SLC9A8: variants seen among roughly 807,000 people sequenced by gnomAD.
SLC9A8 encodes the protein sodium/hydrogen exchanger 8.
Under a neutral mutation model 66.6 loss-of-function variants are expected in SLC9A8, and 48 were observed. That is an observed-to-expected ratio of 0.72 (90% CI 0.57 to 0.92). The LOEUF (loss-of-function observed/expected upper bound fraction) is 0.92. Ranked by LOEUF, SLC9A8 falls within the 40% of genes least tolerant of loss-of-function variation. The probability of loss-of-function intolerance (pLI) is 0.00; values close to 1 mark genes in which losing one functional copy is unlikely to be tolerated. For synonymous variants in SLC9A8, 274 were observed against 282.6 expected (o/e 0.97, Z 0.31); for missense variants, 599 against 747.3 (o/e 0.80, Z 2.31).
intron 6 of SLC9A8, 177 bp from the exon 7 acceptor site, chr20:49,850,633 C>T (rs958677527): frequency 9.5e-6 from 6 of 630,226 alleles, no homozygotes; most frequent in African/African-American, 3.7e-5. Context: ...CGTTGCATGC[C>T]GATGGAATGC....
chr20:49,853,813 C>T (rs2088351258), intron 7 of SLC9A8, among the ~76,000 whole-genome samples: 1 of 152,222 alleles, frequency 6.6e-6, no homozygotes, highest in African/African-American at 2.4e-5. Flanking sequence ...ACTGAATCCT[C>T]AGCCTGGGAT....
chr20:49,832,248 G>T (rs572290014), intron 3 of SLC9A8, among the ~76,000 whole-genome samples: 1 of 152,262 alleles, frequency 6.6e-6, no homozygotes, highest in East Asian at 1.9e-4. Flanking sequence ...CATTTCTTAG[G>T]CTCAGCTCTT....
intron 3 of SLC9A8, among the ~76,000 whole-genome samples, chr20:49,835,725 AC>A (rs2087507779): frequency 8.3e-6 from 1 of 119,770 alleles, no homozygotes; most frequent in African/African-American, 3.4e-5. Flanking sequence ...TTGCTCTATC[AC>A]CCAGGCTGGA....
chr20:49,830,299 C>G, intron 3 of SLC9A8: 1 of 1,146,562 alleles, frequency 8.7e-7, no homozygotes, highest in Non-Finnish European at 1.3e-6. Context: ...ATGGGTCACA[C>G]AGTGACTGTC....
At chr20:49,813,310 A>G (rs983024272) in intron 1 of SLC9A8, among the ~76,000 whole-genome samples, 3 of 152,170 alleles carry the variant, frequency 2.0e-5, no homozygotes, top group Non-Finnish European at 4.4e-5. Flanking sequence ...CCCACCTCCT[A>G]CGTAGCCAGT....
chr20:49,858,472 G>A (rs1194113111), intron 8 of SLC9A8, among the ~76,000 whole-genome samples: 1 of 150,518 alleles, frequency 6.6e-6, no homozygotes, highest in Non-Finnish European at 1.5e-5. Context: ...TTATGCATTG[G>A]GAGCTAAACT....
Position 49,812,966 on chromosome 20 carries a change from CGGGCGGCGGAGGCGGCGGGGCT to C in SLC9A8, c.26+23_26+44del. 2 of 1,395,604 alleles carry C rather than the reference CGGGCGGCGGAGGCGGCGGGGCT, an allele frequency of 1.4e-6. No homozygotes were observed. Among genetic ancestry groups the C allele is most frequent in the Non-Finnish European group, 1.9e-6 (2 of 1,073,430 alleles). 86.5% of individuals were successfully genotyped at this position (1,395,604 alleles called of 1,614,324 possible). On this transcript the variant is annotated intron_variant, in intron 1 of 15. Coordinates refer to ENST00000361573, the MANE Select transcript of SLC9A8 (RefSeq NM_015266.3). ...GAAGAGGAGTGAGTGGGCTTTTTCC[CGGGCGGCGGAGGCGGCGGGGCT>C]GGGCCCCGGCGGGTGACAGCGAGCG...
chr20:49,830,551 C>T (rs578215233), intron 3 of SLC9A8: 74 of 632,996 alleles, frequency 1.2e-4, no homozygotes, highest in African/African-American at 1.0e-3. Flanking sequence ...TGGGTGATTG[C>T]GTCCAGGTCG....
chr20:49,833,617 C>T (rs1443772316), intron 3 of SLC9A8, among the ~76,000 whole-genome samples: 1 of 152,156 alleles, frequency 6.6e-6, no homozygotes, highest in Non-Finnish European at 1.5e-5. Flanking sequence ...TGCAGTAGTG[C>T]AGTCTCCTGT....
chr20:49,851,343 C>T (rs2088244062), intron 7 of SLC9A8, among the ~76,000 whole-genome samples: 1 of 152,208 alleles, frequency 6.6e-6, no homozygotes, highest in Non-Finnish European at 1.5e-5. Flanking sequence ...CCCGTGAGCA[C>T]TTCCCATGAG....
At chr20:49,871,829 GCTTA>G (rs2089217523) in intron 10 of SLC9A8, among the ~76,000 whole-genome samples, 1 of 152,172 alleles carries the variant, frequency 6.6e-6, no homozygotes, top group African/African-American at 2.4e-5. Context: ...CCCAGACAGG[GCTTA>G]CTTATCCATA....
At chr20:49,881,310 G>A (rs942848430) in intron 13 of SLC9A8, among the ~76,000 whole-genome samples, 2 of 152,186 alleles carry the variant, frequency 1.3e-5, no homozygotes, top group Non-Finnish European at 2.9e-5. Context: ...GAACACCATA[G>A]TGCAGTCCGG....
chr20:49,819,800 G>A (rs908917524), intron 2 of SLC9A8, among the ~76,000 whole-genome samples: 2 of 151,938 alleles, frequency 1.3e-5, no homozygotes, highest in African/African-American at 2.4e-5. Flanking sequence ...CATATAATAC[G>A]TGGCCTTTTG....
At chr20:49,843,775 G>A (rs1254885479) in intron 4 of SLC9A8, among the ~76,000 whole-genome samples, 3 of 152,146 alleles carry the variant, frequency 2.0e-5, no homozygotes, top group Non-Finnish European at 4.4e-5. Context: ...TATGGTTTGG[G>A]CATTTGTCTC....
At chr20:49,818,371 G>A (rs938692858) in intron 2 of SLC9A8, among the ~76,000 whole-genome samples, 10 of 152,048 alleles carry the variant, frequency 6.6e-5, no homozygotes, top group African/African-American at 2.4e-4. Context: ...TTATGTGGAG[G>A]TTAGCATGTA....
chr20:49,835,041 C>T (rs1040099515), intron 3 of SLC9A8, among the ~76,000 whole-genome samples: 1 of 152,192 alleles, frequency 6.6e-6, no homozygotes, highest in African/African-American at 2.4e-5. Context: ...TCCAGCGCGA[C>T]TGAGGATGTG....
intron 12 of SLC9A8, 94 bp downstream of exon 12, chr20:49,878,157 C>G: frequency 1.5e-6 from 1 of 675,922 alleles, no homozygotes. Context: ...GTTAACTGTT[C>G]AAAGTCAACA....
At chr20:49,879,254 A>G (rs533103281) in intron 12 of SLC9A8, among the ~76,000 whole-genome samples, 5 of 152,186 alleles carry the variant, frequency 3.3e-5, no homozygotes, top group Non-Finnish European at 7.3e-5. Context: ...GAGATGGCCT[A>G]TTCAGGTGGG....
intron 3 of SLC9A8, chr20:49,830,580 G>A: frequency 1.6e-6 from 1 of 608,986 alleles, no homozygotes; most frequent in Non-Finnish European, 3.0e-6. Context: ...CTTTCCAGAA[G>A]CTCCCATCTC....
Sources: gnomAD v4.1 joint callset for allele counts (sites outside exome capture counted in the v4.1 genomes callset) on GRCh38, gnomAD v4.1.1 for gene constraint, MANE v1.5 for transcripts, NCBI Gene and HGNC (gene_info 2026-07-23, HGNC 2026-07-21) for gene names.